The following FOXP1 variants were observed in gnomAD, a reference collection of about 807,000 sequenced individuals.
The protein encoded by FOXP1 is forkhead box P1, also known as forkhead box protein P1.
In FOXP1, 15 loss-of-function variants were observed where a neutral mutation model predicts 98.2. That is an observed-to-expected ratio of 0.15 (90% CI 0.10 to 0.24). The LOEUF (loss-of-function observed/expected upper bound fraction) is 0.24. Among genes scored for constraint, FOXP1 ranks in the 10% least tolerant of loss-of-function variants. The pLI is 1.00. For missense variants in FOXP1, 633 were observed against 848.5 expected (o/e 0.75, Z 3.15); for synonymous variants, 371 against 314.5 (o/e 1.18, Z -1.90).
At chr3:71,231,067 T>G (rs1401385943) in intron 5 of FOXP1, among the ~76,000 whole-genome samples, 1 of 152,224 alleles carries the variant, frequency 6.6e-6, no homozygotes, top group African/African-American at 2.4e-5. Context: ...ATCTACTTTT[T>G]TTGTTAAGTA....
intron 3 of FOXP1, among the ~76,000 whole-genome samples, chr3:71,381,153 CTT>C (rs375670056): frequency 1.4e-4 from 20 of 139,582 alleles, no homozygotes; most frequent in Admixed American, 3.6e-4. Flanking sequence ...GAGGTTCTCT[CTT>C]TTTTTTTTTT....
rs571690751 is a variant in FOXP1 at position 71,410,116 on chromosome 3, G to A, written c.-167-50872C>T. ...TCAGCTCCCTCACCTGTAAAATATGGCCAAGAACAGGACTTAACCACTCAG... is the reference window on the plus strand; with the variant it reads ...TCAGCTCCCTCACCTGTAAAATATGACCAAGAACAGGACTTAACCACTCAG... On this transcript the variant is annotated intron_variant, in intron 3 of 20. Transcript: ENST00000649528. Among the ~76,000 whole-genome samples the A allele has an allele frequency of 5.9e-5, 9 of 152,260 alleles. No homozygotes were observed. The South Asian group carries it at 1.9e-3, about 32-fold the overall frequency.
intron 3 of FOXP1, among the ~76,000 whole-genome samples, chr3:71,455,231 C>G (rs1244296541): frequency 6.6e-6 from 1 of 151,974 alleles, no homozygotes; most frequent in Non-Finnish European, 1.5e-5. Flanking sequence ...GAGCACACAT[C>G]CCCCCCGCCG....
intron 6 of FOXP1, among the ~76,000 whole-genome samples, chr3:71,147,537 C>A (rs1409084067): frequency 6.6e-6 from 1 of 152,140 alleles, no homozygotes; most frequent in Non-Finnish European, 1.5e-5. Flanking sequence ...ACCATTAATG[C>A]CCCCCATCAT....
intron 3 of FOXP1, among the ~76,000 whole-genome samples, chr3:71,383,832 GA>G (rs1173597041): frequency 6.6e-6 from 1 of 152,200 alleles, no homozygotes; most frequent in Non-Finnish European, 1.5e-5. Context: ...AGAAGAATGA[GA>G]GGTGAGAAGA....
chr3:71,191,519 C>T (rs566394381), intron 6 of FOXP1, among the ~76,000 whole-genome samples: 1 of 152,232 alleles, frequency 6.6e-6, no homozygotes, highest in Non-Finnish European at 1.5e-5. Context: ...CTTTTTTCTT[C>T]TTTTGCTTCT....
rs137953345 is a variant in FOXP1, at chr3:71,135,129, C to A, written c.181-22492G>T. On this transcript the variant is annotated intron_variant, in intron 6 of 20. Coordinates refer to ENST00000649528, the MANE Select transcript of FOXP1 (RefSeq NM_001349338.3). ...CAAAAATTAGCTGGGCGCGGTGATGCGTGCCTGTTGTCCCAGCTGCTCGGG... is the reference window on the plus strand; with the variant it reads ...CAAAAATTAGCTGGGCGCGGTGATGAGTGCCTGTTGTCCCAGCTGCTCGGG... Among the ~76,000 whole-genome samples, 471 of 151,576 alleles carry A rather than the reference C, an allele frequency of 3.1e-3. 2 individuals are homozygous for A. The highest frequency in any genetic ancestry group is 0.011 in the African/African-American group (447 of 41,158).
intron 6 of FOXP1, among the ~76,000 whole-genome samples, chr3:71,188,406 T>C (rs1311444847): frequency 1.3e-5 from 2 of 149,892 alleles, no homozygotes; most frequent in Non-Finnish European, 3.0e-5. Context: ...TTTTTTTCTT[T>C]ATTTTTTTTT....
At chr3:71,550,551 G>T (rs138168505) in intron 2 of FOXP1, among the ~76,000 whole-genome samples, 14 of 152,254 alleles carry the variant, frequency 9.2e-5, no homozygotes, top group African/African-American at 3.4e-4. Flanking sequence ...CCAGTGAATA[G>T]AAAGCAAAGC....
chr3:71,578,185 C>T (rs554525538), intron 2 of FOXP1, among the ~76,000 whole-genome samples: 2 of 152,260 alleles, frequency 1.3e-5, no homozygotes, highest in Non-Finnish European at 2.9e-5. Context: ...CTTGAAGTTG[C>T]AATTAAATTG....
At chr3:71,342,051 G>C (rs1418481289) in intron 4 of FOXP1, among the ~76,000 whole-genome samples, 4 of 140,428 alleles carry the variant, frequency 2.8e-5, no homozygotes, top group Non-Finnish European at 6.3e-5. Context: ...TACATAACTA[G>C]TCTTATGAAT....
intron 13 of FOXP1, 40 bp downstream of exon 13, chr3:71,000,931 AG>A (rs1322442045): frequency 5.4e-6 from 7 of 1,296,816 alleles, no homozygotes; most frequent in Non-Finnish European, 6.7e-6. Context: ...CTGGAATTTG[AG>A]GCATACTGAG....
intron 5 of FOXP1, among the ~76,000 whole-genome samples, chr3:71,202,457 A>C (rs761646346): frequency 1.1e-4 from 17 of 152,226 alleles, no homozygotes; most frequent in Non-Finnish European, 1.0e-4. Flanking sequence ...AAACGTTCCA[A>C]GTCATTTAAT....
chr3:71,112,023 C>T (rs2057974257), intron 7 of FOXP1, among the ~76,000 whole-genome samples: 1 of 145,846 alleles, frequency 6.9e-6, no homozygotes, highest in South Asian at 2.2e-4. Context: ...ACATCCCTGG[C>T]CTGTACTTAC....
intron 3 of FOXP1, among the ~76,000 whole-genome samples, chr3:71,392,860 C>T (rs1223456674): frequency 2.6e-5 from 4 of 151,932 alleles, no homozygotes; most frequent in Non-Finnish European, 5.9e-5. Context: ...GTTATTTTAC[C>T]GTTTGGAAGG....
chr3:71,460,217 G>C (rs1197694225), intron 3 of FOXP1, among the ~76,000 whole-genome samples: 1 of 150,222 alleles, frequency 6.7e-6, no homozygotes, highest in East Asian at 2.0e-4. Context: ...AGCTGGTCTA[G>C]AGGAGTAAAG....
chr3:71,428,569 C>T (rs1054481483), intron 3 of FOXP1, among the ~76,000 whole-genome samples: 1 of 152,204 alleles, frequency 6.6e-6, no homozygotes, highest in Non-Finnish European at 1.5e-5. Flanking sequence ...CAGAGGCCTG[C>T]CTTCTGGTTT....
At chr3:71,435,992 G>GA (rs2085312759) in intron 3 of FOXP1, among the ~76,000 whole-genome samples, 1 of 150,126 alleles carries the variant, frequency 6.7e-6, no homozygotes, top group Admixed American at 6.7e-5. Flanking sequence ...GGGAAGGAGG[G>GA]AGGGAGGATA....
At chr3:71,068,529 C>T (rs2052832542) in intron 7 of FOXP1, among the ~76,000 whole-genome samples, 1 of 152,150 alleles carries the variant, frequency 6.6e-6, no homozygotes, top group South Asian at 2.1e-4. Context: ...TTGCCAGAAG[C>T]TGCTTGGAAA....
Sources: gnomAD v4.1 joint callset for allele counts (sites outside exome capture counted in the v4.1 genomes callset) on GRCh38, gnomAD v4.1.1 for gene constraint, MANE v1.5 for transcripts, NCBI Gene and HGNC (gene_info 2026-07-23, HGNC 2026-07-21) for gene names.